BRWD1: variants seen among roughly 807,000 people sequenced by gnomAD.
BRWD1 encodes the protein bromodomain and WD repeat-containing protein 1.
Under a neutral mutation model 251.2 loss-of-function variants are expected in BRWD1, and 82 were observed. The observed-to-expected ratio is 0.33, with a 90% CI of 0.27 to 0.39. The LOEUF is 0.39. Ranked by LOEUF, BRWD1 falls within the 10% of genes least tolerant of loss-of-function variation. BRWD1 has a pLI of 1.00. For missense variants in BRWD1, 2,233 were observed against 2,711.6 expected (o/e 0.82, Z 3.92); for synonymous variants, 918 against 902.8 (o/e 1.02, Z -0.30).
rs745910547 is a variant in BRWD1 at position 39,196,466 on chromosome 21, A to C, written c.6603T>G (p.Thr2201=). 9.3e-6 allele frequency: 15 copies of C among 1,612,974 alleles called. No homozygotes were observed. The highest frequency in any genetic ancestry group is 1.7e-4 in the Middle Eastern group (1 of 6,058). The part of the protein sequence containing the change: ...GKTFTANISK[T]VRRQRQSKRP... ...GTTTGCTTTGTCTTTGACGTCTCAC[A>C]GTTTTAGATATGTTAGCTGTAAAAG... The change falls in exon 41 of 41, where the codon ACT becomes ACG. Residue 2201 remains threonine, a synonymous_variant. Coordinates refer to ENST00000342449, the MANE Select transcript of BRWD1 (RefSeq NM_033656.4).
At chr21:39,278,710 AAAAC>A (rs747932598) in intron 10 of BRWD1, 29 bp downstream of exon 10, 10 of 1,517,564 alleles carry the variant, frequency 6.6e-6, no homozygotes, top group Non-Finnish European at 8.8e-6. Flanking sequence ...TTAAAAAAAA[AAAAC>A]TAAGAAAAAA....
At position 39,191,645 on chromosome 21, in the gene BRWD1, A is replaced by G; in HGVS notation, c.*4614T>C. On this transcript the variant is annotated 3_prime_UTR_variant, in exon 41 of 41. Transcript: ENST00000342449. ...ACATTTAGAAAATTAACTTGAATAT[A>G]TCAAAAATTAAAGATCCCTTTAACT... 1 of 984,340 alleles carries G rather than the reference A, an allele frequency of 1.0e-6. No homozygotes were observed. Among genetic ancestry groups the G allele is most frequent in the Non-Finnish European group, 1.2e-6 (1 of 828,976 alleles). The allele number at this position is 984,340 out of a possible 1,614,324, so 61.0% of individuals were successfully genotyped here.
At position 39,199,575 on chromosome 21, in the gene BRWD1, G is replaced by C. The variant is rs1370155366; in HGVS notation, c.4841C>G (p.Thr1614Ser). The C allele has an allele frequency of 6.2e-7, 1 of 1,614,106 alleles. No individual in the cohort carries two copies. ...LSDSDNNSLETGEILKARAGN... is the reference protein window; with the variant it reads ...LSDSDNNSLESGEILKARAGN... ...AGCTCTGGCTTTTAGAATTTCACCA[G>C]TCTCCAATGAATTGTTATCAGAATC... is the stretch of plus-strand genomic sequence containing the variant. Residue 1614 changes from threonine to serine, a missense_variant, in exon 40 of 41, where the codon ACT (threonine) becomes AGT (serine). Coordinates refer to ENST00000342449, the MANE Select transcript of BRWD1 (RefSeq NM_033656.4).
In BRWD1 at chr21:39,304,810, G is replaced by A. The variant is rs528282487; in HGVS notation, c.199-6228C>T. On this transcript the variant is annotated intron_variant, in intron 4 of 40. Coordinates refer to ENST00000342449, the MANE Select transcript of BRWD1 (RefSeq NM_033656.4). ...ATATTAATGTAAGGCAAAGCAGATG[G>A]GAAGACAAGAAGATTATAATGAATA... Among the ~76,000 whole-genome samples, 173 of 152,050 alleles carry A rather than the reference G, an allele frequency of 1.1e-3. 2 individuals are homozygous for A. The highest frequency in any genetic ancestry group is 4.0e-3 in the African/African-American group (166 of 41,492).
intron 13 of BRWD1, among the ~76,000 whole-genome samples, chr21:39,271,796 T>TGA (rs2146676579): frequency 6.6e-6 from 1 of 151,820 alleles, no homozygotes; most frequent in South Asian, 2.1e-4. Flanking sequence ...CCAGCACTTT[T>TGA]GAGAGGCCAA....
chr21:39,230,708 C>A (rs1341928099), intron 25 of BRWD1, among the ~76,000 whole-genome samples: 1 of 151,926 alleles, frequency 6.6e-6, no homozygotes, highest in East Asian at 1.9e-4. Context: ...CGCTTAGGGG[C>A]CATTTTAAAC....
intron 7 of BRWD1, 74 bp from the exon 8 acceptor site, chr21:39,294,106 T>C: frequency 8.3e-7 from 1 of 1,202,806 alleles, no homozygotes. Context: ...ACCTTTTATA[T>C]GCCATCCAAA....
At chr21:39,197,463 G>A (rs1183826948) in intron 40 of BRWD1, 48 bp from the exon 41 acceptor site, 3 of 1,409,556 alleles carry the variant, frequency 2.1e-6, no homozygotes, top group East Asian at 2.3e-5. Flanking sequence ...AAGTCTAAAG[G>A]AATTATATGT....
rs2031351189 is a variant in BRWD1 at position 39,188,154 on chromosome 21, C to G, written c.*8105G>C. 3.0e-6 allele frequency: 3 copies of G among 985,240 alleles called. No individual in the cohort carries two copies. In the African/African-American group the frequency reaches 5.2e-5, roughly 17 times the overall value. 61.0% of individuals were successfully genotyped at this position (985,240 alleles called of 1,614,324 possible). On this transcript the variant is annotated 3_prime_UTR_variant, in exon 41 of 41. Coordinates refer to ENST00000342449, the MANE Select transcript of BRWD1 (RefSeq NM_033656.4). ...AAATTTTCAAATTTCACAAACAAGT[C>G]TAATTAGTACTCTTCTAGAACAGAA...
At chr21:39,277,495 T>C in intron 10 of BRWD1, 144 bp from the exon 11 acceptor site, 2 of 514,042 alleles carry the variant, frequency 3.9e-6, no homozygotes, top group South Asian at 4.7e-5. Context: ...TGACTCACTA[T>C]ATAGAGGTTA....
intron 23 of BRWD1, among the ~76,000 whole-genome samples, chr21:39,235,047 G>A (rs1387664731): frequency 2.0e-5 from 3 of 152,116 alleles, no homozygotes; most frequent in South Asian, 2.1e-4. Flanking sequence ...TCAGAAGTTC[G>A]AGACCAGCCT....
intron 20 of BRWD1, among the ~76,000 whole-genome samples, chr21:39,250,398 G>A (rs922109134): frequency 2.6e-5 from 4 of 151,824 alleles, no homozygotes; most frequent in African/African-American, 9.7e-5. Context: ...CCACAGGGAA[G>A]CAAGACATTG....
intron 37 of BRWD1, among the ~76,000 whole-genome samples, chr21:39,203,492 C>T (rs1407072080): frequency 1.4e-5 from 2 of 140,454 alleles, no homozygotes; most frequent in East Asian, 4.0e-4. Flanking sequence ...CTGCAAGCTC[C>T]GCCTCCCGAG....
intron 4 of BRWD1, among the ~76,000 whole-genome samples, chr21:39,301,536 C>G (rs78913526): frequency 1.2e-3 from 189 of 152,244 alleles, no homozygotes; most frequent in Middle Eastern, 6.8e-3. Flanking sequence ...AGCTTGGAAG[C>G]CTATTCCTCC....
rs368508673 is a variant in BRWD1 at position 39,296,006 on chromosome 21, C to CTCTT, written c.449-104_449-103insAAGA. 292 of 1,019,244 alleles carry CTCTT rather than the reference C, an allele frequency of 2.9e-4. No individual in the cohort carries two copies. The African/African-American group carries it at 4.3e-3, about 15-fold the overall frequency. 63.1% of individuals were successfully genotyped at this position (1,019,244 alleles called of 1,614,324 possible). A position where few individuals can be genotyped will look rare whatever the true frequency, so the allele number is the denominator to read the frequency against. ...CTAGAGGGTCACAAAAATCTATGTT[C>CTCTT]AAGAAGCCCTAATGACACAATTTCT... On this transcript the variant is annotated intron_variant, in intron 6 of 40. Transcript: ENST00000342449.
intron 5 of BRWD1, chr21:39,298,151 T>G: frequency 9.4e-7 from 1 of 1,067,976 alleles, no homozygotes; most frequent in Non-Finnish European, 1.1e-6. Context: ...AATGGAAAAT[T>G]AAGAACTCAC....
intron 29 of BRWD1, chr21:39,219,311 C>G (rs1410216125): frequency 1.3e-5 from 2 of 152,186 alleles, no homozygotes; most frequent in African/African-American, 2.4e-5. Flanking sequence ...ATCCCAGCTA[C>G]TAAGGAGACT....
In BRWD1 at chr21:39,191,468, A is replaced by G. The variant is rs1486898326; in HGVS notation, c.*4791T>C. On this transcript the variant is annotated 3_prime_UTR_variant, in exon 41 of 41. Transcript: ENST00000342449. ...CTAAATTTATTATATCCCATTTAAG[A>G]ACTGACAAAAATCATCTAAATGAAT... 4.1e-6 allele frequency: 4 copies of G among 981,038 alleles called. No individual in the cohort carries two copies. The highest frequency in any genetic ancestry group is 4.8e-6 in the Non-Finnish European group (4 of 826,092). The allele number at this position is 981,038 out of a possible 1,614,324, so 60.8% of individuals were successfully genotyped here. A position where few individuals can be genotyped will look rare whatever the true frequency, so the allele number is the denominator to read the frequency against.
rs1009064028 is a variant in BRWD1 at position 39,212,665 on chromosome 21, C to T, written c.3900+1G>A. The T allele has an allele frequency of 1.7e-5, 26 of 1,566,814 alleles. No individual in the cohort carries two copies. In the Admixed American group the frequency reaches 2.6e-4, roughly 16 times the overall value. On this transcript the variant is annotated splice_donor_variant, in intron 34 of 40. Transcript: ENST00000342449. LOFTEE classifies it high-confidence loss of function. ...AAAGTCAACCATGCAGAGTAACTTA[C>T]TCTCCTCCTTCCAGAAGATGTTTTA... is the stretch of plus-strand genomic sequence containing the variant.
Sources: gnomAD v4.1 joint callset for allele counts (sites outside exome capture counted in the v4.1 genomes callset) on GRCh38, gnomAD v4.1.1 for gene constraint, MANE v1.5 for transcripts, NCBI Gene and HGNC (gene_info 2026-07-23, HGNC 2026-07-21) for gene names.